Variants in ANTXR2 observed in about 807,000 individuals in gnomAD.
ANTXR2 encodes the protein anthrax toxin receptor 2.
Under a neutral mutation model 73.7 loss-of-function variants are expected in ANTXR2, and 44 were observed. That is an observed-to-expected ratio of 0.60 (90% CI 0.47 to 0.77). The LOEUF (loss-of-function observed/expected upper bound fraction) is 0.77, where lower values mean the gene tolerates loss of function less well. Among genes scored for constraint, ANTXR2 ranks in the 30% least tolerant of loss-of-function variants. The probability of loss-of-function intolerance (pLI) is 0.00; values close to 1 mark genes in which losing one functional copy is unlikely to be tolerated. For synonymous variants in ANTXR2, 217 were observed against 205.9 expected, an observed-to-expected ratio of 1.05 and a Z score of -0.46; for missense variants, 604 against 592.5, an observed-to-expected ratio of 1.02 and a Z score of -0.20.
At chr4:79,931,270 T>C (rs933467895) in intron 16 of ANTXR2, among the ~76,000 whole-genome samples, 1 of 152,210 alleles carries the variant, frequency 6.6e-6, no homozygotes, top group African/African-American at 2.4e-5. Flanking sequence ...TATCATTGCC[T>C]AAAAATAAAT....
Position 79,902,724 on chromosome 4 carries a change from G to T in ANTXR2, c.*4705C>A, listed in dbSNP as rs1726754030. 2.1e-5 allele frequency: 2 copies of T among 95,090 alleles called. No individual in the cohort carries two copies. The highest frequency in any genetic ancestry group is 1.2e-3 in the South Asian group (2 of 1,648). 5.9% of individuals were successfully genotyped at this position (95,090 alleles called of 1,614,324 possible). A position where few individuals can be genotyped will look rare whatever the true frequency, so the allele number is the denominator to read the frequency against. On this transcript the variant is annotated 3_prime_UTR_variant, in exon 17 of 17. Coordinates refer to ENST00000403729, the MANE Select transcript of ANTXR2 (RefSeq NM_058172.6). ...TTATCAACATATACTATAGTTCAAG[G>T]TATTTTTTTTTTTTGCAACTGACAG...
intron 16 of ANTXR2, among the ~76,000 whole-genome samples, chr4:79,957,079 T>A (rs1728917449): frequency 6.6e-6 from 1 of 152,114 alleles, no homozygotes; most frequent in Non-Finnish European, 1.5e-5. Context: ...TGTGATTCCT[T>A]TTGGAGCCCA....
intron 15 of ANTXR2, 117 bp from the exon 16 acceptor site, chr4:79,977,818 A>T (rs531544662): frequency 8.0e-7 from 1 of 1,257,480 alleles, no homozygotes; most frequent in Non-Finnish European, 1.1e-6. Flanking sequence ...TTCTTTCATA[A>T]GGTAAACTAA....
chr4:79,976,219 C>T (rs7656773), intron 16 of ANTXR2, among the ~76,000 whole-genome samples: 98,337 of 151,708 alleles, frequency 0.65, 34,561 homozygotes, highest in East Asian at 0.96. Context: ...GCCCTCAAAT[C>T]GCATTTAAAA....
At chr4:79,953,213 A>C (rs1423422553) in intron 16 of ANTXR2, among the ~76,000 whole-genome samples, 1 of 152,184 alleles carries the variant, frequency 6.6e-6, no homozygotes, top group Non-Finnish European at 1.5e-5. Flanking sequence ...AGTTTTCACT[A>C]ACGTACCTGA....
At chr4:79,982,186 T>C (rs1729920567) in intron 14 of ANTXR2, among the ~76,000 whole-genome samples, 1 of 152,258 alleles carries the variant, frequency 6.6e-6, no homozygotes, top group Admixed American at 6.5e-5. Flanking sequence ...CCTTACTTTA[T>C]TATCATGCCA....
chr4:79,936,910 T>A (rs1225781534), intron 16 of ANTXR2, among the ~76,000 whole-genome samples: 1 of 152,122 alleles, frequency 6.6e-6, no homozygotes, highest in Non-Finnish European at 1.5e-5. Context: ...AAACTACACT[T>A]ATATTTTCTA....
intron 16 of ANTXR2, among the ~76,000 whole-genome samples, chr4:79,973,151 A>T (rs1161022245): frequency 1.3e-5 from 2 of 152,142 alleles, no homozygotes; most frequent in African/African-American, 4.8e-5. Flanking sequence ...GTAAGATAGC[A>T]CTCTAGAGAT....
At chr4:79,916,260 T>A (rs1727351265) in intron 16 of ANTXR2, among the ~76,000 whole-genome samples, 1 of 152,082 alleles carries the variant, frequency 6.6e-6, no homozygotes, top group African/African-American at 2.4e-5. Flanking sequence ...TGCTTCTAAA[T>A]TATTAATTCC....
chr4:79,987,299 C>A (rs570115250), intron 12 of ANTXR2, among the ~76,000 whole-genome samples: 1 of 151,624 alleles, frequency 6.6e-6, no homozygotes, highest in East Asian at 1.9e-4. Flanking sequence ...AATTGAACTT[C>A]CGGAAATTAA....
intron 10 of ANTXR2, among the ~76,000 whole-genome samples, chr4:80,029,453 T>C (rs952577514): frequency 1.3e-5 from 2 of 152,084 alleles, no homozygotes; most frequent in South Asian, 2.1e-4. Flanking sequence ...CAGATCGTTA[T>C]GTTAACTGGT....
chr4:80,032,248 G>A (rs1445405503), intron 9 of ANTXR2, among the ~76,000 whole-genome samples: 1 of 151,724 alleles, frequency 6.6e-6, no homozygotes, highest in Non-Finnish European at 1.5e-5. Context: ...GAATCTAAAA[G>A]AGGAAAATAC....
At chr4:79,983,759 G>A (rs1178715244) in intron 14 of ANTXR2, 119 bp downstream of exon 14, 16 of 817,956 alleles carry the variant, frequency 2.0e-5, no homozygotes, top group Middle Eastern at 2.3e-4. Context: ...AAGACCCAGT[G>A]TTAAGCACAA....
intron 8 of ANTXR2, 51 bp from the exon 9 acceptor site, chr4:80,033,621 T>A (rs1732808213): frequency 2.2e-6 from 3 of 1,359,882 alleles, no homozygotes; most frequent in African/African-American, 3.0e-5. Flanking sequence ...ACCAAAAAAA[T>A]AAAAAACACA....
intron 10 of ANTXR2, among the ~76,000 whole-genome samples, chr4:80,020,853 A>T (rs1348014401): frequency 6.6e-6 from 1 of 152,208 alleles, no homozygotes; most frequent in African/African-American, 2.4e-5. Flanking sequence ...ACTTCAAAGC[A>T]TCTTGTTTAA....
At chr4:80,032,340 C>T (rs572168078) in intron 9 of ANTXR2, among the ~76,000 whole-genome samples, 1 of 151,770 alleles carries the variant, frequency 6.6e-6, no homozygotes, top group South Asian at 2.1e-4. Context: ...TTATAATGAA[C>T]TCAAATATGT....
At chr4:80,002,077 A>G (rs1462172192) in intron 12 of ANTXR2, among the ~76,000 whole-genome samples, 1 of 152,100 alleles carries the variant, frequency 6.6e-6, no homozygotes, top group Non-Finnish European at 1.5e-5. Context: ...TTCGTATGGA[A>G]CCAAAAAAGA....
chr4:79,912,887 A>G (rs1222398599), intron 16 of ANTXR2, among the ~76,000 whole-genome samples: 2 of 152,186 alleles, frequency 1.3e-5, no homozygotes, highest in Non-Finnish European at 2.9e-5. Flanking sequence ...AAAATATGAT[A>G]TGATTGTAAT....
chr4:79,951,656 C>T (rs4324507), intron 16 of ANTXR2, among the ~76,000 whole-genome samples: 13,854 of 151,824 alleles, frequency 0.091, 735 homozygotes, highest in Middle Eastern at 0.23. Flanking sequence ...ATTATTTCCC[C>T]ACATATAGCT....
Sources: allele counts gnomAD v4.1 joint callset (sites outside exome capture counted in the v4.1 genomes callset), GRCh38; gene constraint gnomAD v4.1.1; transcripts MANE v1.5; gene names NCBI Gene and HGNC (gene_info 2026-07-23, HGNC 2026-07-21).